The following STPG2 variants were observed in gnomAD, a reference collection of about 807,000 sequenced individuals.
STPG2 encodes sperm-tail PG-rich repeat-containing protein 2.
A neutral mutation model predicts 54.2 loss-of-function variants in STPG2; 56 were observed. That is an observed-to-expected ratio of 1.03 (90% CI 0.83 to 1.29). The LOEUF is 1.29. Among genes scored for constraint, STPG2 ranks in the 50% most tolerant of loss-of-function variants. The pLI is 0.00. For missense variants in STPG2, 596 were observed against 544.9 expected (o/e 1.09, Z -0.93); for synonymous variants, 200 against 181.8 (o/e 1.10, Z -0.81).
At chr4:97,547,080 T>C (rs1337366652) in intron 4 of STPG2, among the ~76,000 whole-genome samples, 1 of 152,144 alleles carries the variant, frequency 6.6e-6, no homozygotes, top group East Asian at 1.9e-4. Flanking sequence ...CATGTGTAGA[T>C]TCTTACAAAT....
At chr4:98,057,392 TAC>T (rs1317687104) in intron 5 of STPG2, among the ~76,000 whole-genome samples, 1 of 152,058 alleles carries the variant, frequency 6.6e-6, no homozygotes, top group Non-Finnish European at 1.5e-5. Context: ...AAAAACACAC[TAC>T]AAAAATGTCA....
intron 5 of STPG2, among the ~76,000 whole-genome samples, chr4:98,019,962 A>T (rs2149290067): frequency 8.2e-6 from 1 of 122,410 alleles, no homozygotes; most frequent in Admixed American, 7.8e-5. Flanking sequence ...GTCGTCTGCA[A>T]ACAGGGACAA....
chr4:97,595,274 A>G (rs1282988026), intron 10 of STPG2, among the ~76,000 whole-genome samples: 1 of 152,220 alleles, frequency 6.6e-6, no homozygotes, highest in Non-Finnish European at 1.5e-5. Context: ...GCAGCCATAA[A>G]AAAGGATGAG....
At chr4:97,896,712 A>T (rs1364658407) in intron 8 of STPG2, among the ~76,000 whole-genome samples, 1 of 151,734 alleles carries the variant, frequency 6.6e-6, no homozygotes, top group Non-Finnish European at 1.5e-5. Context: ...ATATTTTTAT[A>T]TTTTGTAAAA....
rs540279075 is a variant in STPG2, at chr4:97,540,818, C to T, written c.462+171881G>A. Among the ~76,000 whole-genome samples the T allele has an allele frequency of 1.1e-4, 17 of 152,108 alleles. No homozygotes were observed. In the South Asian group the frequency reaches 1.7e-3, roughly 15 times the overall value. On this transcript the variant is annotated intron_variant, in intron 4 of 4. Coordinates refer to the STPG2 transcript ENST00000522676. ...TGGGATGGAAGGCTGGTTCAACATA[C>T]GCAAATCAACAAACATAATCCAGCA... is the stretch of plus-strand genomic sequence containing the variant.
intron 8 of STPG2, among the ~76,000 whole-genome samples, chr4:97,862,538 G>T (rs1729592612): frequency 6.6e-6 from 1 of 151,986 alleles, no homozygotes; most frequent in African/African-American, 2.4e-5. Context: ...ACAGATCGAT[G>T]AGACAGAGAG....
At chr4:98,067,147 T>C (rs1191210423) in intron 5 of STPG2, among the ~76,000 whole-genome samples, 1 of 152,092 alleles carries the variant, frequency 6.6e-6, no homozygotes, top group Non-Finnish European at 1.5e-5. Flanking sequence ...TGTAGTTCTC[T>C]AAGAGTCAAT....
chr4:97,987,382 G>T (rs937977270), intron 5 of STPG2, among the ~76,000 whole-genome samples: 8 of 152,072 alleles, frequency 5.3e-5, no homozygotes, highest in African/African-American at 1.9e-4. Flanking sequence ...CTTTTTAAAT[G>T]TATGTAAATC....
chr4:98,120,758 T>C (rs980344178), intron 3 of STPG2, among the ~76,000 whole-genome samples: 1 of 152,154 alleles, frequency 6.6e-6, no homozygotes, highest in East Asian at 1.9e-4. Context: ...ACTGGGGTTG[T>C]TTTTTATTGT....
chr4:97,694,812 CAAAAAAAAAAAAAAAAAAAAAAAAAAA>C (rs70953083), intron 10 of STPG2, among the ~76,000 whole-genome samples: 1 of 44,032 alleles, frequency 2.3e-5, no homozygotes, highest in African/African-American at 7.2e-5. Context: ...GACTCTGTCA[CAAAAAAAAAAAAAAAAAAAAAAAAAAA>C]AAAAAAAAAA....
chr4:97,925,464 T>G (rs1732299722), intron 8 of STPG2, among the ~76,000 whole-genome samples: 1 of 152,228 alleles, frequency 6.6e-6, no homozygotes. Flanking sequence ...CACTCTTCAG[T>G]GTGTCAGAAA....
chr4:97,771,619 G>T (rs143864057), intron 9 of STPG2, among the ~76,000 whole-genome samples: 1 of 152,318 alleles, frequency 6.6e-6, no homozygotes, highest in East Asian at 1.9e-4. Context: ...GCAGGAGAGG[G>T]CTTGGAGCCC....
In STPG2 at chr4:97,988,283, A is replaced by C. The variant is rs562504227; in HGVS notation, c.613-6965T>G. The stretch of plus-strand genomic sequence containing the variant: ...TCATTTCCAGGCCACCTAATCTAAA[A>C]TTTCATTACCACCTCCAAACAATTT... On this transcript the variant is annotated intron_variant, in intron 5 of 10. Coordinates refer to ENST00000295268, the MANE Select transcript of STPG2 (RefSeq NM_174952.3). Among the ~76,000 whole-genome samples the C allele has an allele frequency of 5.0e-4, 76 of 152,116 alleles. 1 individual carries two copies. The highest frequency in any genetic ancestry group is 3.8e-3 in the Admixed American group (58 of 15,290).
At chr4:97,677,967 T>G (rs1426619728) in intron 10 of STPG2, among the ~76,000 whole-genome samples, 1 of 152,204 alleles carries the variant, frequency 6.6e-6, no homozygotes, top group Non-Finnish European at 1.5e-5. Context: ...ATAAATTGTT[T>G]TAAAAAATTA....
chr4:97,660,432 G>C (rs1722345470), intron 10 of STPG2, among the ~76,000 whole-genome samples: 2 of 152,172 alleles, frequency 1.3e-5, no homozygotes, highest in South Asian at 4.1e-4. Flanking sequence ...CACATACAAT[G>C]ACTAGAACCA....
intron 5 of STPG2, among the ~76,000 whole-genome samples, chr4:98,094,792 C>G (rs188006042): frequency 6.6e-6 from 1 of 152,216 alleles, no homozygotes. Flanking sequence ...GAGTGTAGGT[C>G]AAGAAGGACT....
At chr4:97,781,925 C>A (rs758596366) in intron 9 of STPG2, among the ~76,000 whole-genome samples, 4 of 152,058 alleles carry the variant, frequency 2.6e-5, no homozygotes, top group African/African-American at 9.6e-5. Flanking sequence ...TATTGATAGG[C>A]CGTATCTTAA....
chr4:97,551,901 G>A (rs764905550), intron 4 of STPG2, among the ~76,000 whole-genome samples: 1 of 152,108 alleles, frequency 6.6e-6, no homozygotes, highest in Non-Finnish European at 1.5e-5. Flanking sequence ...CTTAGGTAAT[G>A]AGATGATACA....
intron 5 of STPG2, among the ~76,000 whole-genome samples, chr4:98,047,065 G>A (rs1005848162): frequency 1.3e-5 from 2 of 151,872 alleles, no homozygotes; most frequent in African/African-American, 4.8e-5. Flanking sequence ...GGAGCTAGCT[G>A]TTGTAGCCTT....
Sources: allele counts gnomAD v4.1 joint callset (sites outside exome capture counted in the v4.1 genomes callset), GRCh38; gene constraint gnomAD v4.1.1; transcripts MANE v1.5; gene names NCBI Gene and HGNC (gene_info 2026-07-23, HGNC 2026-07-21).